Variants in CORO2B observed in about 807,000 individuals in gnomAD.
CORO2B encodes the protein coronin 2B.
CORO2B carries 26 observed loss-of-function variants against 58.8 expected under a neutral mutation model. The ratio of observed to expected loss-of-function variants is 0.44; its 90% CI spans 0.32 to 0.61. The LOEUF (loss-of-function observed/expected upper bound fraction) is 0.61, where lower values mean the gene tolerates loss of function less well. Ranked by LOEUF, CORO2B falls within the 20% of genes least tolerant of loss-of-function variation. CORO2B has a pLI of 0.04. For synonymous variants in CORO2B, 242 were observed against 253.8 expected, an observed-to-expected ratio of 0.95 and a Z score of 0.44; for missense variants, 460 against 645.1, an observed-to-expected ratio of 0.71 and a Z score of 3.11.
chr15:68,712,372 T>C (rs1313804829), intron 5 of CORO2B, among the ~76,000 whole-genome samples: 1 of 152,140 alleles, frequency 6.6e-6, no homozygotes, highest in East Asian at 1.9e-4. Flanking sequence ...TCTAGTACTA[T>C]AGGTTGAGCA....
intron 2 of CORO2B, among the ~76,000 whole-genome samples, chr15:68,646,560 G>C (rs1025723647): frequency 6.6e-6 from 1 of 152,230 alleles, no homozygotes; most frequent in Non-Finnish European, 1.5e-5. Flanking sequence ...ACTGAGGACA[G>C]AGCCTGATGC....
At chr15:68,609,445 T>C (rs957864480) in intron 1 of CORO2B, among the ~76,000 whole-genome samples, 10 of 152,148 alleles carry the variant, frequency 6.6e-5, no homozygotes, top group African/African-American at 2.4e-4. Flanking sequence ...GGGCATCAGT[T>C]TGTGGTCCAC....
the CORO2B span, among the ~76,000 whole-genome samples, chr15:68,521,922 C>T: frequency 1.5e-3 from 233 of 152,196 alleles, no homozygotes; most frequent in Middle Eastern, 0.024. Context: ...AATACGAAAG[C>T]CTCTCAAGTA....
At chr15:68,640,068 G>A (rs771959452) in intron 1 of CORO2B, among the ~76,000 whole-genome samples, 2 of 152,176 alleles carry the variant, frequency 1.3e-5, no homozygotes, top group African/African-American at 2.4e-5. Flanking sequence ...AGTCTTTTCT[G>A]TTCCCTGCCT....
chr15:68,679,120 G>C (rs796188050), intron 2 of CORO2B, among the ~76,000 whole-genome samples: 7 of 152,326 alleles, frequency 4.6e-5, no homozygotes, highest in African/African-American at 1.7e-4. Flanking sequence ...GCACCGTGCT[G>C]GGTGTTGGGA....
chr15:68,565,030 A>G, the CORO2B span, among the ~76,000 whole-genome samples: 4 of 152,324 alleles, frequency 2.6e-5, no homozygotes, highest in East Asian at 1.9e-4. Flanking sequence ...CCTAATTTAC[A>G]TATTTGTTGC....
Position 68,579,110 on chromosome 15 carries a change from G to C in CORO2B, c.-153G>C. On this transcript the variant is annotated 5_prime_UTR_variant, in exon 1 of 12. Coordinates refer to ENST00000261861, the MANE Select transcript of CORO2B (RefSeq NM_006091.5). ...GACGAGCGGTCCCTGCGCGCTGCCC[G>C]CCCGGAGCGCAGCCCCCAGGCTCGG... is the stretch of plus-strand genomic sequence containing the variant. 1.0e-6 allele frequency: 1 copy of C among 982,480 alleles called. No homozygotes were observed. Among genetic ancestry groups the C allele is most frequent in the Non-Finnish European group, 1.2e-6 (1 of 828,778 alleles). 60.9% of individuals were successfully genotyped at this position (982,480 alleles called of 1,614,324 possible).
the CORO2B span, among the ~76,000 whole-genome samples, chr15:68,543,930 T>C: frequency 1.3e-5 from 2 of 152,172 alleles, no homozygotes; most frequent in Non-Finnish European, 2.9e-5. Flanking sequence ...CTCCAGATCC[T>C]GGCCCTTACC....
intron 11 of CORO2B, among the ~76,000 whole-genome samples, chr15:68,721,170 C>T (rs1470162684): frequency 4.3e-5 from 4 of 92,738 alleles, no homozygotes; most frequent in Non-Finnish European, 9.6e-5. Flanking sequence ...ATGTGAGCCA[C>T]CACACCTGGC....
At chr15:68,693,569 C>T (rs34232451) in intron 2 of CORO2B, among the ~76,000 whole-genome samples, 27,726 of 152,210 alleles carry the variant, frequency 0.18, 3,117 homozygotes, top group Non-Finnish European at 0.25. Flanking sequence ...GAGATGGAAG[C>T]ATAGCTTCTG....
chr15:68,520,401 T>C, the CORO2B span, among the ~76,000 whole-genome samples: 2 of 152,254 alleles, frequency 1.3e-5, no homozygotes. Flanking sequence ...GATTTTTGTT[T>C]ATTTCTCCTG....
intron 2 of CORO2B, among the ~76,000 whole-genome samples, chr15:68,652,725 A>G (rs1901681322): frequency 6.6e-6 from 1 of 152,164 alleles, no homozygotes; most frequent in Admixed American, 6.5e-5. Context: ...AAGTTCTATG[A>G]TGAAAGTATA....
upstream of CORO2B, among the ~76,000 whole-genome samples, chr15:68,576,173 A>G (rs111787533): frequency 1.0e-3 from 108 of 103,898 alleles, no homozygotes; most frequent in African/African-American, 4.1e-3. Context: ...AAAAAAAAAA[A>G]AAAGAAAGAA....
chr15:68,521,075 A>G, the CORO2B span, among the ~76,000 whole-genome samples: 1 of 152,228 alleles, frequency 6.6e-6, no homozygotes, highest in East Asian at 1.9e-4. Flanking sequence ...TGTCTTTTAA[A>G]TGAAGTATTT....
chr15:68,548,656 C>T, the CORO2B span, among the ~76,000 whole-genome samples: 32 of 152,300 alleles, frequency 2.1e-4, no homozygotes, highest in Admixed American at 1.3e-4. Context: ...CTCCCCAAAG[C>T]GGTCTTACTA....
At chr15:68,720,294 G>A (rs771692203) in intron 11 of CORO2B, among the ~76,000 whole-genome samples, 3 of 152,196 alleles carry the variant, frequency 2.0e-5, no homozygotes, top group Non-Finnish European at 4.4e-5. Flanking sequence ...ATGGAAAGCT[G>A]TGAGCATTAA....
At position 68,616,692 on chromosome 15, in the gene CORO2B, G is replaced by A. The variant is rs963463107; in HGVS notation, c.16-28468G>A. On this transcript the variant is annotated intron_variant, in intron 1 of 11. Coordinates refer to ENST00000261861, the MANE Select transcript of CORO2B (RefSeq NM_006091.5). ...GTCATCTGCGAGATCTCCCATGGGC[G>A]AGGGCTAGCGTTATCAAGGGCCCCG... is the stretch of plus-strand genomic sequence containing the variant. 11 of 886,422 alleles carry A rather than the reference G, an allele frequency of 1.2e-5. No individual in the cohort carries two copies. In the South Asian group the frequency reaches 2.6e-4, roughly 21 times the overall value. 54.9% of individuals were successfully genotyped at this position (886,422 alleles called of 1,614,324 possible). A position where few individuals can be genotyped will look rare whatever the true frequency, so the allele number is the denominator to read the frequency against.
the CORO2B span, among the ~76,000 whole-genome samples, chr15:68,526,277 A>G: frequency 6.6e-6 from 1 of 152,186 alleles, no homozygotes; most frequent in Non-Finnish European, 1.5e-5. Flanking sequence ...CTCTTGAGTA[A>G]ATGCCTAGGG....
chr15:68,519,857 G>A, the CORO2B span, among the ~76,000 whole-genome samples: 15 of 152,138 alleles, frequency 9.9e-5, no homozygotes, highest in Admixed American at 1.3e-4. Context: ...GCTGTATCTT[G>A]AGATAAATAT....
Sources: allele counts gnomAD v4.1 joint callset (sites outside exome capture counted in the v4.1 genomes callset), GRCh38; gene constraint gnomAD v4.1.1; transcripts MANE v1.5; gene names NCBI Gene and HGNC (gene_info 2026-07-23, HGNC 2026-07-21).